Variants in FRYL observed in about 807,000 individuals in gnomAD.
The protein encoded by FRYL is protein furry homolog-like.
A neutral mutation model predicts 351.2 loss-of-function variants in FRYL; 150 were observed. The observed-to-expected ratio is 0.43, with a 90% confidence interval of 0.37 to 0.49. The LOEUF (loss-of-function observed/expected upper bound fraction) is 0.49, where lower values mean the gene tolerates loss of function less well. Ranked by LOEUF, FRYL falls within the 20% of genes least tolerant of loss-of-function variation. The pLI, the probability that FRYL is intolerant of heterozygous loss-of-function variation, is 0.00. For missense variants in FRYL, 3,036 were observed against 3,619.3 expected (o/e 0.84, Z 4.13); for synonymous variants, 1,153 against 1,257.1 (o/e 0.92, Z 1.75).
At chr4:48,604,829 T>C (rs762534451) in intron 11 of FRYL, among the ~76,000 whole-genome samples, 3 of 152,182 alleles carry the variant, frequency 2.0e-5, no homozygotes, top group South Asian at 2.1e-4. Context: ...ACGATGATAA[T>C]GGACCATTGT....
chr4:48,547,185 T>C (rs1731541420), intron 41 of FRYL, among the ~76,000 whole-genome samples: 1 of 152,318 alleles, frequency 6.6e-6, no homozygotes, highest in African/African-American at 2.4e-5. Context: ...TCAAAATGTA[T>C]GTTTTTAATG....
intron 49 of FRYL, among the ~76,000 whole-genome samples, chr4:48,533,906 T>A (rs1362417342): frequency 2.6e-5 from 4 of 152,114 alleles, no homozygotes; most frequent in Non-Finnish European, 4.4e-5. Context: ...TAGAATCTCG[T>A]TAAAAAACAG....
At chr4:48,666,242 C>A (rs1761695023) in intron 3 of FRYL, among the ~76,000 whole-genome samples, 1 of 152,174 alleles carries the variant, frequency 6.6e-6, no homozygotes. Flanking sequence ...TGGCACACAC[C>A]TGTAATCCCA....
chr4:48,514,983 A>G, intron 56 of FRYL, 45 bp downstream of exon 56: 1 of 1,534,888 alleles, frequency 6.5e-7, no homozygotes, highest in Non-Finnish European at 8.9e-7. Flanking sequence ...GGAATAGGGG[A>G]GAGATTATCC....
intron 19 of FRYL, 77 bp from the exon 20 acceptor site, chr4:48,582,811 C>G (rs954777004): frequency 2.1e-6 from 2 of 935,932 alleles, no homozygotes; most frequent in African/African-American, 3.3e-5. Context: ...AAAACTATGA[C>G]CTTAAAATAA....
intron 3 of FRYL, among the ~76,000 whole-genome samples, chr4:48,681,491 G>A (rs1300503303): frequency 1.3e-5 from 2 of 152,102 alleles, no homozygotes. Flanking sequence ...ATTTACTTTG[G>A]CCTGAGGTGT....
rs551265173 is a variant in FRYL at position 48,578,135 on chromosome 4, C to G, written c.2528+838G>C. Among the ~76,000 whole-genome samples, 8 of 151,500 alleles carry G rather than the reference C, an allele frequency of 5.3e-5. No individual in the cohort carries two copies. In the South Asian group the frequency reaches 1.3e-3, roughly 24 times the overall value. On this transcript the variant is annotated intron_variant, in intron 23 of 63. Coordinates refer to ENST00000358350, the MANE Select transcript of FRYL (RefSeq NM_015030.2). ...TATCCTACGCTCATGTGAACAAAAG[C>G]TCACAAAATGGAAACTATCAACCAC...
In FRYL at chr4:48,627,922, T is replaced by TA. The variant is rs543239046; in HGVS notation, c.121-4744dup. Among the ~76,000 whole-genome samples the TA allele has an allele frequency of 9.1e-4, 139 of 152,194 alleles. No individual in the cohort carries two copies. The Middle Eastern group carries it at 0.01, about 11-fold the overall frequency. The stretch of plus-strand genomic sequence containing the variant: ...AGCAGCTGGGATTACAGGCGCCTAC[T>TA]ACCACGTCCAGCTAGTTTTTGTATT... On this transcript the variant is annotated intron_variant, in intron 4 of 63. Coordinates refer to ENST00000358350, the MANE Select transcript of FRYL (RefSeq NM_015030.2).
chr4:48,550,014 T>C (rs1429911419), intron 38 of FRYL, among the ~76,000 whole-genome samples: 2 of 152,192 alleles, frequency 1.3e-5, no homozygotes, highest in African/African-American at 4.8e-5. Context: ...TGAAAGGAAC[T>C]CTGCTCTACC....
chr4:48,601,710 A>G (rs1477786928), intron 13 of FRYL, among the ~76,000 whole-genome samples: 1 of 152,196 alleles, frequency 6.6e-6, no homozygotes, highest in African/African-American at 2.4e-5. Context: ...GTTTTGTGAG[A>G]TTAATACTCT....
chr4:48,550,488 C>T (rs2148986486), intron 38 of FRYL, 104 bp downstream of exon 38: 14 of 746,120 alleles, frequency 1.9e-5, no homozygotes, highest in East Asian at 5.4e-5. Context: ...GTTAAATACG[C>T]TTTTTAAAAA....
At chr4:48,690,312 T>A (rs1031699393) in intron 2 of FRYL, among the ~76,000 whole-genome samples, 7 of 152,172 alleles carry the variant, frequency 4.6e-5, no homozygotes, top group Non-Finnish European at 8.8e-5. Context: ...TTCTGTTTAT[T>A]CCATTTGTAC....
intron 13 of FRYL, chr4:48,598,901 C>T: frequency 1.0e-6 from 1 of 966,494 alleles, no homozygotes; most frequent in Non-Finnish European, 1.2e-6. Context: ...AGACAGCAAA[C>T]ATAAACATGA....
chr4:48,779,246 C>T (rs576353529), intron 1 of FRYL, among the ~76,000 whole-genome samples: 2 of 152,330 alleles, frequency 1.3e-5, no homozygotes, highest in Middle Eastern at 3.4e-3. Flanking sequence ...ATAAAAGTTG[C>T]AAAGAAGAGC....
chr4:48,674,918 T>G (rs942069669), intron 3 of FRYL, among the ~76,000 whole-genome samples: 1 of 152,148 alleles, frequency 6.6e-6, no homozygotes, highest in Non-Finnish European at 1.5e-5. Flanking sequence ...AAATTCATGT[T>G]TATTCCCCAG....
At chr4:48,745,058 G>T (rs1179043707) in intron 1 of FRYL, among the ~76,000 whole-genome samples, 2 of 152,162 alleles carry the variant, frequency 1.3e-5, no homozygotes, top group Non-Finnish European at 1.5e-5. Context: ...AAAAAGCTAG[G>T]CTGGAATTTG....
Position 48,510,909 on chromosome 4 carries a change from T to A in FRYL, c.8221A>T (p.Thr2741Ser). Reference sequence around the variant, plus strand: ...ACTTCCAAGGAACTTTTAAATTTGGTACCAATGCGTTGCAGACTATCACCA... The same window carrying A: ...ACTTCCAAGGAACTTTTAAATTTGGAACCAATGCGTTGCAGACTATCACCA... ...FLGDSLQRIG[T>S]KFKSSLEVMM... is the part of the protein sequence containing the mutation. Residue 2741 changes from threonine (T) to serine (S), a missense_variant, in exon 58 of 64, where the codon ACC becomes TCC. By Grantham distance (58) the Thr-to-Ser change is moderately conservative (BLOSUM62 1). Transcript: ENST00000358350. 6.2e-7 allele frequency: 1 copy of A among 1,612,486 alleles called. No individual in the cohort carries two copies. Among genetic ancestry groups the A allele is most frequent in the Non-Finnish European group, 8.5e-7 (1 of 1,178,676 alleles).
chr4:48,727,972 C>T (rs1490802400), intron 1 of FRYL, among the ~76,000 whole-genome samples: 1 of 152,180 alleles, frequency 6.6e-6, no homozygotes, highest in Non-Finnish European at 1.5e-5. Flanking sequence ...CACAGACTCA[C>T]TAAAAGACTG....
intron 1 of FRYL, among the ~76,000 whole-genome samples, chr4:48,779,331 C>A (rs1307225287): frequency 1.3e-5 from 2 of 152,196 alleles, no homozygotes; most frequent in Non-Finnish European, 2.9e-5. Flanking sequence ...AGCTCGCGGG[C>A]GGTGGCCGCG....
Sources: gnomAD v4.1 joint callset for allele counts (sites outside exome capture counted in the v4.1 genomes callset) on GRCh38, gnomAD v4.1.1 for gene constraint, MANE v1.5 for transcripts, NCBI Gene and HGNC (gene_info 2026-07-23, HGNC 2026-07-21) for gene names.